The following ATP7A variants were observed in gnomAD, a reference collection of about 807,000 sequenced individuals.
ATP7A encodes the protein copper-transporting ATPase 1.
Under a neutral mutation model 83.5 loss-of-function variants are expected in ATP7A, and 7 were observed. That is an observed-to-expected ratio of 0.08 (90% CI 0.05 to 0.16). The LOEUF (loss-of-function observed/expected upper bound fraction) is 0.16, where lower values mean the gene tolerates loss of function less well. Ranked by LOEUF, ATP7A falls within the 10% of genes least tolerant of loss-of-function variation. The pLI is 1.00. For synonymous variants in ATP7A, 354 were observed against 395.2 expected (o/e 0.90, Z 1.24); for missense variants, 940 against 1,120.8 (o/e 0.84, Z 2.30).
chrX:77,968,828 C>T lies in ATP7A; in HGVS notation c.-21-2793C>T, dbSNP rs781931947. 8.3e-6 allele frequency: 10 copies of T among 1,208,185 alleles called. No individual in the cohort carries two copies. The South Asian group carries it at 1.6e-4, about 19-fold the overall frequency. On this transcript the variant is annotated intron_variant, in intron 1 of 22. Coordinates refer to ENST00000341514, the MANE Select transcript of ATP7A (RefSeq NM_000052.7). ...AGGTGGGAGGGGCAGAGGGACAAGACCAGCAGGGAGGGTGCTCCTGGGGAC... is the reference window on the plus strand; with the variant it reads ...AGGTGGGAGGGGCAGAGGGACAAGATCAGCAGGGAGGGTGCTCCTGGGGAC...
At chrX:77,924,092 C>T (rs1347766919) in intron 1 of ATP7A, 2 of 110,866 alleles carry the variant, frequency 1.8e-5, no homozygotes, top group African/African-American at 6.6e-5. Flanking sequence ...TCTACCAGAA[C>T]CTGGTTTCTA....
In ATP7A at chrX:78,003,090, G is replaced by A. The variant is rs139902461; in HGVS notation, c.1561G>A (p.Val521Met). ...GCTCTTAGGAATATATTCTATACTT[G>A]TGGCCCTGATGGCTGGCAAGGCAGA... ...RREEGIYSIL[V>M]ALMAGKAEVR... Residue 521 changes from valine (V) to methionine (M), a missense_variant, in exon 6 of 23, where the codon GTG (valine) becomes ATG (methionine). Val to Met is a conservative substitution (Grantham distance 21, BLOSUM62 1). Around this residue, in one of 3 missense-constraint regions of ATP7A, gnomAD observed 350 missense variants for 432.8 expected, o/e 0.81. Coordinates refer to ENST00000341514, the MANE Select transcript of ATP7A (RefSeq NM_000052.7). 12 of 1,207,285 alleles carry A rather than the reference G, an allele frequency of 9.9e-6. No individual in the cohort carries two copies. In the African/African-American group the frequency reaches 2.1e-4, roughly 21 times the overall value.
chrX:78,046,251 A>C, intron 22 of ATP7A, 43 bp from the exon 23 acceptor site: 1 of 1,192,405 alleles, frequency 8.4e-7, no homozygotes, highest in Non-Finnish European at 1.1e-6. Context: ...CATCTCATTT[A>C]CTTTTGGTTA....
rs782521703 is a variant in ATP7A at position 77,929,244 on chromosome X, C to T, written c.-22+18409C>T. Among the ~76,000 whole-genome samples, 6 of 112,071 alleles carry T rather than the reference C, an allele frequency of 5.4e-5. No homozygotes were observed. In the East Asian group the frequency reaches 8.4e-4, roughly 16 times the overall value. On this transcript the variant is annotated intron_variant, in intron 1 of 22. Transcript: ENST00000341514. ...TAGGAATATTAGTCTTTGCATATAACTTAACAAAGCTGACCTGCCATTGTT... is the reference window on the plus strand; with the variant it reads ...TAGGAATATTAGTCTTTGCATATAATTTAACAAAGCTGACCTGCCATTGTT...
At chrX:77,962,850 G>T in intron 1 of ATP7A, 1 of 377,489 alleles carries the variant, frequency 2.6e-6, no homozygotes, top group South Asian at 2.4e-5. Flanking sequence ...AACATGACGG[G>T]ACCTCTTGAA....
At chrX:78,007,484 C>A (rs1452227633) in intron 6 of ATP7A, among the ~76,000 whole-genome samples, 4 of 111,410 alleles carry the variant, frequency 3.6e-5, no homozygotes, top group Non-Finnish European at 7.5e-5. Flanking sequence ...TGCCACCATG[C>A]CCGGCTAATT....
At chrX:78,022,505 G>GTTTGTTTGTTTATTTA (rs782072664) in intron 14 of ATP7A, among the ~76,000 whole-genome samples, 35 of 95,806 alleles carry the variant, frequency 3.7e-4, no homozygotes, top group African/African-American at 1.2e-3. Context: ...TTGTTTGTTT[G>GTTTGTTTGTTTATTTA]TTTATTTATT....
chrX:77,928,311 GAAA>G (rs1170835233), intron 1 of ATP7A, among the ~76,000 whole-genome samples: 1 of 110,228 alleles, frequency 9.1e-6, no homozygotes, highest in African/African-American at 3.3e-5. Context: ...TAATGATTTT[GAAA>G]AAAAAGACTT....
chrX:77,911,981 T>C (rs1431104666), intron 1 of ATP7A, among the ~76,000 whole-genome samples: 1 of 112,045 alleles, frequency 8.9e-6, no homozygotes, highest in Non-Finnish European at 1.9e-5. Flanking sequence ...TTACATACAA[T>C]TGAGTCCGAA....
At chrX:78,034,318 T>C (rs1258666596) in intron 17 of ATP7A, among the ~76,000 whole-genome samples, 1 of 111,681 alleles carries the variant, frequency 9.0e-6, no homozygotes, top group Non-Finnish European at 1.9e-5. Flanking sequence ...GTCCCCTTGC[T>C]GCTTTATTTT....
intron 10 of ATP7A, 80 bp downstream of exon 10, chrX:78,013,192 A>G: frequency 7.9e-6 from 7 of 888,231 alleles, no homozygotes; most frequent in Non-Finnish European, 1.2e-5. Context: ...ATCATTGGAA[A>G]TACATGCTTT....
chrX:78,029,260 G>A lies in ATP7A; in HGVS notation c.2927G>A (p.Arg976Lys). 8.3e-7 allele frequency: 1 copy of A among 1,210,816 alleles called. No individual in the cohort carries two copies. The highest frequency in any genetic ancestry group is 2.2e-5 in the Admixed American group (1 of 46,020). ...GCCTTTCTTCTAAAGGGCTACAATA[G>A]AAGTATCTCCCGAACAGAAACGATA... ...IVETYFPGYN[R>K]SISRTETIIR... Residue 976 changes from arginine to lysine, a missense_variant, in exon 15 of 23, where the codon AGA becomes AAA. Transcript: ENST00000341514.
intron 10 of ATP7A, among the ~76,000 whole-genome samples, chrX:78,013,440 C>T (rs1267709943): frequency 9.0e-6 from 1 of 111,457 alleles, no homozygotes; most frequent in African/African-American, 3.3e-5. Context: ...CCCATATTCC[C>T]TTGCTATAAT....
intron 2 of ATP7A, among the ~76,000 whole-genome samples, chrX:77,973,458 A>G (rs2149074846): frequency 8.9e-6 from 1 of 111,875 alleles, no homozygotes; most frequent in East Asian, 2.8e-4. Context: ...CCCTCCAACA[A>G]TTTGTATTGT....
Position 78,012,969 on chromosome X carries a change from A to T in ATP7A, c.2263A>T (p.Thr755Ser). The T allele has an allele frequency of 8.3e-7, 1 of 1,211,110 alleles. No individual in the cohort carries two copies. The highest frequency in any genetic ancestry group is 1.1e-6 in the Non-Finnish European group (1 of 894,950). ...NMDVLIVLAT[T>S]IAFAYSLIIL... Reference sequence around the variant, plus strand: ...GGACGTACTGATTGTGCTGGCAACCACCATTGCATTTGCCTACTCTTTGAT... The same window carrying T: ...GGACGTACTGATTGTGCTGGCAACCTCCATTGCATTTGCCTACTCTTTGAT... The change falls in exon 10 of 23, where the codon ACC becomes TCC. Residue 755 changes from threonine to serine, a missense_variant. Transcript: ENST00000341514.
intron 1 of ATP7A, among the ~76,000 whole-genome samples, chrX:77,968,592 C>T (rs1421971021): frequency 8.9e-6 from 1 of 112,260 alleles, no homozygotes; most frequent in East Asian, 2.8e-4. Flanking sequence ...CTCACAAAAA[C>T]CCAAGTCACT....
chrX:77,925,502 T>C (rs2077237077), intron 1 of ATP7A, among the ~76,000 whole-genome samples: 1 of 111,298 alleles, frequency 9.0e-6, no homozygotes, highest in African/African-American at 3.3e-5. Context: ...ATAGACTTCA[T>C]CTCTGTGGGA....
chrX:77,990,367 A>G (rs1257683510), intron 4 of ATP7A, among the ~76,000 whole-genome samples: 1 of 112,248 alleles, frequency 8.9e-6, no homozygotes, highest in Non-Finnish European at 1.9e-5. Context: ...TTGTTTATGT[A>G]TATGAATAAG....
intron 1 of ATP7A, among the ~76,000 whole-genome samples, chrX:77,914,335 C>T (rs1017619660): frequency 3.6e-5 from 4 of 111,216 alleles, no homozygotes; most frequent in African/African-American, 9.8e-5. Flanking sequence ...ACTGCAGTCT[C>T]GATCTCCCAG....
Sources: gnomAD v4.1 joint callset for allele counts (sites outside exome capture counted in the v4.1 genomes callset) on GRCh38, gnomAD v4.1.1 for gene constraint, gnomAD v4.1.1 regional missense constraint, MANE v1.5 for transcripts, NCBI Gene and HGNC (gene_info 2026-07-23, HGNC 2026-07-21) for gene names.